Variants in ZBTB40 observed in about 807,000 individuals in gnomAD.
ZBTB40 encodes zinc finger and BTB domain containing 40.
Under a neutral mutation model 117.5 loss-of-function variants are expected in ZBTB40, and 60 were observed. That is an observed-to-expected ratio of 0.51 (90% confidence interval 0.41 to 0.63). The LOEUF (loss-of-function observed/expected upper bound fraction) is 0.63. ZBTB40 is among the 30% of genes least tolerant of loss of function. The pLI is 0.00. For synonymous variants in ZBTB40, 525 were observed against 577.1 expected (o/e 0.91, Z 1.29); for missense variants, 1,287 against 1,498.5 (o/e 0.86, Z 2.33).
At chr1:22,440,555 TC>T (rs764507484) in intron 1 of ZBTB40, among the ~76,000 whole-genome samples, 38 of 152,212 alleles carry the variant, frequency 2.5e-4, no homozygotes, top group Non-Finnish European at 5.1e-4. Context: ...TTGTTCCTGA[TC>T]CTAAGGAAGA....
At chr1:22,521,197 C>T (rs908376733) in intron 14 of ZBTB40, among the ~76,000 whole-genome samples, 6 of 152,196 alleles carry the variant, frequency 3.9e-5, no homozygotes, top group Middle Eastern at 3.2e-3. Flanking sequence ...TCGGTGTCTC[C>T]GCTTCCAGCT....
chr1:22,497,101 T>A (rs902993806), intron 3 of ZBTB40, among the ~76,000 whole-genome samples: 2 of 152,236 alleles, frequency 1.3e-5, no homozygotes, highest in African/African-American at 4.8e-5. Flanking sequence ...GAAATTGTCT[T>A]CCTTCTTTAT....
chr1:22,459,915 A>G (rs1641091229), intron 1 of ZBTB40, among the ~76,000 whole-genome samples: 1 of 152,176 alleles, frequency 6.6e-6, no homozygotes, highest in African/African-American at 2.4e-5. Context: ...TAAAATCTGT[A>G]TGCTTCTTTT....
intron 11 of ZBTB40, 79 bp from the exon 12 acceptor site, chr1:22,512,845 G>T (rs1639277751): frequency 1.3e-6 from 2 of 1,528,926 alleles, no homozygotes; most frequent in Admixed American, 3.4e-5. Flanking sequence ...CTGAGACAGT[G>T]CTCTTGGTAT....
At chr1:22,463,842 AC>A (rs1468078677) in intron 1 of ZBTB40, among the ~76,000 whole-genome samples, 3 of 152,366 alleles carry the variant, frequency 2.0e-5, no homozygotes, top group Non-Finnish European at 4.4e-5. Flanking sequence ...ATTTTGTAGA[AC>A]ACCTCAAAAG....
At chr1:22,484,244 A>G (rs1230178161) in intron 1 of ZBTB40, among the ~76,000 whole-genome samples, 3 of 152,190 alleles carry the variant, frequency 2.0e-5, no homozygotes, top group Admixed American at 6.5e-5. Context: ...CATGGGGAAG[A>G]TCTGAGTCTC....
chr1:22,478,738 C>G (rs567434042), intron 1 of ZBTB40, among the ~76,000 whole-genome samples: 1 of 152,278 alleles, frequency 6.6e-6, no homozygotes, highest in East Asian at 1.9e-4. Context: ...TTCCCATACT[C>G]ATTTTTAGAT....
intron 1 of ZBTB40, among the ~76,000 whole-genome samples, chr1:22,470,777 T>C (rs1641384499): frequency 6.6e-6 from 1 of 152,222 alleles, no homozygotes; most frequent in Admixed American, 6.5e-5. Context: ...CAGTTGGCAG[T>C]GCCCGTGCCG....
chr1:22,439,832 T>C (rs982713705), intron 1 of ZBTB40, among the ~76,000 whole-genome samples: 6 of 152,234 alleles, frequency 3.9e-5, no homozygotes, highest in African/African-American at 7.2e-5. Context: ...TAATATTCCA[T>C]ATAAATGTTA....
At chr1:22,483,412 A>G (rs1000748964) in intron 1 of ZBTB40, among the ~76,000 whole-genome samples, 5 of 152,214 alleles carry the variant, frequency 3.3e-5, no homozygotes, top group Non-Finnish European at 5.9e-5. Flanking sequence ...TCCCACCGGC[A>G]TTGAATGAAA....
chr1:22,466,415 G>A (rs1218759738), intron 1 of ZBTB40, among the ~76,000 whole-genome samples: 1 of 152,098 alleles, frequency 6.6e-6, no homozygotes, highest in Non-Finnish European at 1.5e-5. Context: ...TGGAACTGCT[G>A]GGTCATATGG....
chr1:22,526,389 C>T lies in ZBTB40; in HGVS notation c.3713C>T (p.Ala1238Val), dbSNP rs754800389. 4 of 1,614,090 alleles carry T rather than the reference C, an allele frequency of 2.5e-6. No homozygotes were observed. The highest frequency in any genetic ancestry group is 3.4e-6 in the Non-Finnish European group (4 of 1,180,030). The change falls in exon 18 of 18, where the codon GCC becomes GTC. Residue 1238 changes from alanine (A) to valine (V), a missense_variant. Ala to Val is a moderately conservative substitution (Grantham distance 64). This residue lies in a region of ZBTB40 where 417 missense variants were observed against 564.1 expected (regional missense o/e 0.74). Coordinates refer to ENST00000375647, the MANE Select transcript of ZBTB40 (RefSeq NM_014870.4). The stretch of plus-strand genomic sequence containing the variant: ...ACAGTGACGCTGATCTGTGGTGAGG[C>T]CAAATGAGCAGCCTTTCATCCGGCA... ...DGTVTLICGE[A>V]K
At chr1:22,430,793 C>T (rs1640570278) in intron 1 of ZBTB40, among the ~76,000 whole-genome samples, 1 of 152,044 alleles carries the variant, frequency 6.6e-6, no homozygotes. Context: ...TATATATTGT[C>T]CTTACCCCAT....
intron 1 of ZBTB40, among the ~76,000 whole-genome samples, chr1:22,484,654 A>G (rs753195348): frequency 1.3e-5 from 2 of 152,152 alleles, no homozygotes; most frequent in African/African-American, 4.8e-5. Context: ...GTCTTGTTGC[A>G]TTAGCTAGGA....
At chr1:22,433,953 T>C (rs1446153363) in intron 1 of ZBTB40, among the ~76,000 whole-genome samples, 1 of 152,122 alleles carries the variant, frequency 6.6e-6, no homozygotes, top group Non-Finnish European at 1.5e-5. Context: ...ATACATTCTT[T>C]AGTACACATG....
chr1:22,435,920 AT>A (rs1640664077), intron 1 of ZBTB40, among the ~76,000 whole-genome samples: 3 of 148,918 alleles, frequency 2.0e-5, no homozygotes, highest in South Asian at 2.1e-4. Context: ...AAAAAAAAAA[AT>A]ACAAAATTAG....
chr1:22,463,285 T>C (rs144527310), intron 1 of ZBTB40, among the ~76,000 whole-genome samples: 2 of 152,214 alleles, frequency 1.3e-5, no homozygotes, highest in African/African-American at 2.4e-5. Flanking sequence ...TGTTACTCTT[T>C]AGTTGCCAGG....
rs34852063 is a variant in ZBTB40 at position 22,525,123 on chromosome 1, C to T, written c.3525+679C>T. Among the ~76,000 whole-genome samples the T allele has an allele frequency of 1.7e-3, 264 of 152,296 alleles. 1 individual carries two copies. Among genetic ancestry groups the T allele is most frequent in the Admixed American group, 3.5e-3 (54 of 15,302 alleles). On this transcript the variant is annotated intron_variant, in intron 17 of 17. Transcript: ENST00000375647. Reference sequence around the variant, plus strand: ...CAGTCATTTATAAACCAGGTTCTTACAGGCCTCTGGGGAACAGAGGGGAAG... The same window carrying T: ...CAGTCATTTATAAACCAGGTTCTTATAGGCCTCTGGGGAACAGAGGGGAAG...
chr1:22,446,608 G>A (rs1372978601), intron 1 of ZBTB40, among the ~76,000 whole-genome samples: 1 of 151,878 alleles, frequency 6.6e-6, no homozygotes, highest in East Asian at 1.9e-4. Flanking sequence ...AACCTTGCAA[G>A]CAGAAGAAAA....
Sources: allele counts gnomAD v4.1 joint callset (sites outside exome capture counted in the v4.1 genomes callset), GRCh38; gene constraint gnomAD v4.1.1; regional missense constraint gnomAD v4.1.1; transcripts MANE v1.5; gene names NCBI Gene and HGNC (gene_info 2026-07-23, HGNC 2026-07-21).